The following RASA2 variants were observed in gnomAD, a reference collection of about 807,000 sequenced individuals.
The protein encoded by RASA2 is RAS p21 protein activator 2.
Under a neutral mutation model 118.2 loss-of-function variants are expected in RASA2, and 155 were observed. That is an observed-to-expected ratio of 1.31 (90% confidence interval 1.15 to 1.50). The LOEUF (loss-of-function observed/expected upper bound fraction) is 1.50, where lower values mean the gene tolerates loss of function less well. Ranked by LOEUF, RASA2 falls within the 40% of genes most tolerant of loss-of-function variation. RASA2 has a pLI of 0.00. For missense variants in RASA2, 1,016 were observed against 1,009.6 expected, an observed-to-expected ratio of 1.01 and a Z score of -0.09; for synonymous variants, 353 against 349.1, an observed-to-expected ratio of 1.01 and a Z score of -0.12.
At chr3:141,493,259 C>T (rs778310402) in intron 1 of RASA2, among the ~76,000 whole-genome samples, 10 of 151,976 alleles carry the variant, frequency 6.6e-5, no homozygotes, top group Admixed American at 1.3e-4. Flanking sequence ...TTTCACTGTG[C>T]CGTCTACACA....
intron 18 of RASA2, among the ~76,000 whole-genome samples, 189 bp downstream of exon 18, chr3:141,586,287 A>G (rs1254343589): frequency 1.3e-5 from 2 of 152,194 alleles, no homozygotes; most frequent in African/African-American, 4.8e-5. Flanking sequence ...TTTCCTGTGC[A>G]TACAGTCCTA....
intron 9 of RASA2, among the ~76,000 whole-genome samples, chr3:141,568,610 G>C (rs2082863235): frequency 6.6e-6 from 1 of 151,924 alleles, no homozygotes. Flanking sequence ...TCTATGTGTA[G>C]TAAGGATTTT....
intron 1 of RASA2, among the ~76,000 whole-genome samples, chr3:141,502,490 C>T (rs2081798968): frequency 6.6e-6 from 1 of 152,082 alleles, no homozygotes; most frequent in Admixed American, 6.6e-5. Flanking sequence ...TCTCTTTATG[C>T]TTTAGTCAGT....
chr3:141,583,703 T>G (rs2107773317), intron 17 of RASA2, among the ~76,000 whole-genome samples: 1 of 152,304 alleles, frequency 6.6e-6, no homozygotes, highest in African/African-American at 2.4e-5. Flanking sequence ...TCAAAACTCC[T>G]TAAGTCTGAG....
At chr3:141,519,281 T>G (rs1430543687) in intron 3 of RASA2, among the ~76,000 whole-genome samples, 1 of 152,190 alleles carries the variant, frequency 6.6e-6, no homozygotes. Context: ...CATATTATCA[T>G]TGAAAAAAAT....
At chr3:141,487,274 G>GGCGGCGGGTTC (rs1231563742) in intron 1 of RASA2, 58 bp downstream of exon 1, 23 of 1,234,260 alleles carry the variant, frequency 1.9e-5, no homozygotes, top group African/African-American at 4.7e-5. Flanking sequence ...AGGCTGAGGG[G>GGCGGCGGGTTC]GCGGCGGGTT....
intron 23 of RASA2, among the ~76,000 whole-genome samples, chr3:141,611,748 A>C (rs1331033880): frequency 6.6e-6 from 1 of 152,146 alleles, no homozygotes; most frequent in Non-Finnish European, 1.5e-5. Context: ...ACAAGTATAA[A>C]TATTTATATG....
At chr3:141,560,023 C>T in intron 9 of RASA2, 28 bp downstream of exon 9, 1 of 1,547,436 alleles carries the variant, frequency 6.5e-7, no homozygotes, top group Non-Finnish European at 8.9e-7. Context: ...TAGTGAACTC[C>T]ATAGTTTAAT....
At chr3:141,524,555 T>C (rs1454522074) in intron 3 of RASA2, among the ~76,000 whole-genome samples, 5 of 152,122 alleles carry the variant, frequency 3.3e-5, no homozygotes, top group African/African-American at 9.7e-5. Flanking sequence ...CTGTTTCATT[T>C]TTCTATAGAC....
chr3:141,516,248 A>T, intron 2 of RASA2, 80 bp from the exon 3 acceptor site: 1 of 939,170 alleles, frequency 1.1e-6, no homozygotes, highest in South Asian at 3.1e-5. Context: ...TTGAGTATTT[A>T]TACAATTATT....
intron 1 of RASA2, among the ~76,000 whole-genome samples, chr3:141,498,598 A>G (rs1013885565): frequency 6.6e-6 from 1 of 152,136 alleles, no homozygotes; most frequent in African/African-American, 2.4e-5. Context: ...ATACACATAC[A>G]CACCTTTATA....
At chr3:141,518,816 C>G (rs1362330888) in intron 3 of RASA2, among the ~76,000 whole-genome samples, 1 of 152,124 alleles carries the variant, frequency 6.6e-6, no homozygotes, top group Non-Finnish European at 1.5e-5. Flanking sequence ...TGTATTTCTT[C>G]CATTCTTTAT....
In RASA2 at chr3:141,496,862, A is replaced by G. The variant is rs2081709974; in HGVS notation, c.133+9646A>G. The stretch of plus-strand genomic sequence containing the variant: ...ATCATGCTGCTACAAAGACACATGC[A>G]CACGTATGTTTATTGCGGCATTATT... On this transcript the variant is annotated intron_variant, in intron 1 of 23. Coordinates refer to ENST00000286364, the MANE Select transcript of RASA2 (RefSeq NM_006506.5). 2.6e-5 allele frequency among the ~76,000 whole-genome samples: 4 copies of G among 152,182 alleles called. No individual in the cohort carries two copies. The South Asian group carries it at 8.3e-4, about 32-fold the overall frequency.
chr3:141,602,438 A>G (rs1414701674), intron 19 of RASA2, among the ~76,000 whole-genome samples: 2 of 152,212 alleles, frequency 1.3e-5, no homozygotes, highest in African/African-American at 2.4e-5. Flanking sequence ...GACAGGAGGC[A>G]GAACTCAGGT....
rs1207911428 is a variant in RASA2, at chr3:141,572,588, T to A, written c.1170-21T>A. 3 of 1,544,658 alleles carry A rather than the reference T, an allele frequency of 1.9e-6. No individual in the cohort carries two copies. The Admixed American group carries it at 5.0e-5, about 26-fold the overall frequency. On this transcript the variant is annotated intron_variant, in intron 11 of 23. Transcript: ENST00000286364. Reference sequence around the variant, plus strand: ...CAAAACCTTTGTTTACTACATTTGGTTTCATCTATTTCTATTTCAGAGATG... The same window carrying A: ...CAAAACCTTTGTTTACTACATTTGGATTCATCTATTTCTATTTCAGAGATG...
intron 3 of RASA2, among the ~76,000 whole-genome samples, chr3:141,517,056 CACCACG>C (rs1217137923): frequency 1.3e-5 from 2 of 151,124 alleles, no homozygotes. Flanking sequence ...AGGCATGAGC[CACCACG>C]CCTGGCCGGG....
chr3:141,554,143 A>G (rs964407241), intron 6 of RASA2, among the ~76,000 whole-genome samples: 1 of 152,190 alleles, frequency 6.6e-6, no homozygotes, highest in Non-Finnish European at 1.5e-5. Flanking sequence ...TTGGTACCCC[A>G]TTTTAAATCT....
At position 141,598,019 on chromosome 3, in the gene RASA2, G is replaced by C. The variant is rs182482552; in HGVS notation, c.1934-9659G>C. ...CTAAAACAGATGCAAGAAAAAAGTAGAATATCTTAAAAACCCTGTATCTCT... is the reference window on the plus strand; with the variant it reads ...CTAAAACAGATGCAAGAAAAAAGTACAATATCTTAAAAACCCTGTATCTCT... On this transcript the variant is annotated intron_variant, in intron 19 of 23. Transcript: ENST00000286364. Among the ~76,000 whole-genome samples the C allele has an allele frequency of 4.8e-3, 731 of 152,178 alleles. 8 individuals are homozygous for C. The highest frequency in any genetic ancestry group is 0.017 in the African/African-American group (694 of 41,538).
At chr3:141,525,231 C>T (rs1002832560) in intron 3 of RASA2, 1 of 151,948 alleles carries the variant, frequency 6.6e-6, no homozygotes, top group Non-Finnish European at 1.5e-5. Flanking sequence ...GTTTTAAGCT[C>T]TTTCTGTCTG....
Sources: gnomAD v4.1 joint callset for allele counts (sites outside exome capture counted in the v4.1 genomes callset) on GRCh38, gnomAD v4.1.1 for gene constraint, MANE v1.5 for transcripts, NCBI Gene and HGNC (gene_info 2026-07-23, HGNC 2026-07-21) for gene names.